The following PRMT8 variants were observed in gnomAD, a reference collection of about 807,000 sequenced individuals.
PRMT8 encodes protein arginine methyltransferase 8, also known as protein arginine N-methyltransferase 8.
Under a neutral mutation model 47.1 loss-of-function variants are expected in PRMT8, and 7 were observed. That is an observed-to-expected ratio of 0.15 (90% CI 0.08 to 0.28). PRMT8 has a LOEUF of 0.28. Among genes scored for constraint, PRMT8 ranks in the 10% least tolerant of loss-of-function variants. The probability of loss-of-function intolerance (pLI) is 1.00; values close to 1 mark genes in which losing one functional copy is unlikely to be tolerated. For missense variants in PRMT8, 237 were observed against 505.4 expected (o/e 0.47, Z 5.09); for synonymous variants, 188 against 186.5 (o/e 1.01, Z -0.07).
At chr12:3,399,226 C>G (rs1257735955) in intron 1 of PRMT8, among the ~76,000 whole-genome samples, 1 of 152,182 alleles carries the variant, frequency 6.6e-6, no homozygotes, top group Non-Finnish European at 1.5e-5. Context: ...AGATGGAACA[C>G]TTAGGTATCA....
In PRMT8 at chr12:3,569,417, T is replaced by C; in HGVS notation, c.625-60T>C. The C allele has an allele frequency of 7.1e-7, 1 of 1,399,400 alleles. No individual in the cohort carries two copies. Among genetic ancestry groups the C allele is most frequent in the South Asian group, 1.2e-5 (1 of 86,632 alleles). The allele number at this position is 1,399,400 out of a possible 1,614,324, so 86.7% of individuals were successfully genotyped here. A position where few individuals can be genotyped will look rare whatever the true frequency, so the allele number is the denominator to read the frequency against. ...TGGTGACTCTATGTGCAGTTCAAAA[T>C]GTGATGTCTTTGTCAGGTGAATAGA... On this transcript the variant is annotated intron_variant, in intron 5 of 9. Transcript: ENST00000382622. This position sits in a 1 kb window ranked among gnomAD's most constrained non-coding sequence, Gnocchi z 8.2.
At chr12:3,410,758 C>T (rs796289266) in intron 1 of PRMT8, among the ~76,000 whole-genome samples, 3 of 152,312 alleles carry the variant, frequency 2.0e-5, no homozygotes, top group African/African-American at 4.8e-5. Context: ...CCACCCGCCT[C>T]GGCCTCCCAA....
chr12:3,488,829 A>G (rs1012935694), upstream of PRMT8, among the ~76,000 whole-genome samples: 21 of 152,248 alleles, frequency 1.4e-4, no homozygotes, highest in African/African-American at 4.6e-4. Flanking sequence ...TTTCACAATC[A>G]TAAGATGTGA....
At chr12:3,474,501 C>T (rs770186304) in intron 1 of PRMT8, among the ~76,000 whole-genome samples, 2 of 152,150 alleles carry the variant, frequency 1.3e-5, no homozygotes, top group African/African-American at 2.4e-5. Flanking sequence ...ACCCGATGCT[C>T]TCTGCTCCAG....
intron 1 of PRMT8, among the ~76,000 whole-genome samples, chr12:3,437,429 C>T (rs1378627183): frequency 6.6e-6 from 1 of 151,778 alleles, no homozygotes; most frequent in African/African-American, 2.4e-5. Context: ...GTACATTGTG[C>T]GTCCTAGGGG....
intron 1 of PRMT8, among the ~76,000 whole-genome samples, chr12:3,509,602 C>A (rs1375881715): frequency 6.6e-6 from 1 of 152,200 alleles, no homozygotes; most frequent in Non-Finnish European, 1.5e-5. Flanking sequence ...AATGAACTAT[C>A]ATTGGCCACA....
intron 1 of PRMT8, among the ~76,000 whole-genome samples, chr12:3,466,237 C>T (rs902034942): frequency 1.3e-5 from 2 of 152,140 alleles, no homozygotes; most frequent in South Asian, 4.1e-4. Flanking sequence ...GAGGTGAGAC[C>T]GGATGGTGCT....
chr12:3,567,969 G>A (rs1194301916), intron 4 of PRMT8, among the ~76,000 whole-genome samples: 12 of 152,096 alleles, frequency 7.9e-5, no homozygotes, highest in Admixed American at 7.9e-4. Context: ...GCTACTTGGA[G>A]GCTGAGGCAG....
chr12:3,536,961 T>C (rs888324972), intron 1 of PRMT8, among the ~76,000 whole-genome samples: 5 of 152,248 alleles, frequency 3.3e-5, no homozygotes, highest in Admixed American at 2.6e-4. Context: ...GACAGCATTG[T>C]CATGAAATTC....
chr12:3,408,345 C>G (rs1864393606), intron 1 of PRMT8, among the ~76,000 whole-genome samples: 1 of 151,952 alleles, frequency 6.6e-6, no homozygotes, highest in Non-Finnish European at 1.5e-5. Flanking sequence ...GTGATCCTCC[C>G]ATCTCAGCCT....
At chr12:3,589,376 G>T (rs575573087) in intron 8 of PRMT8, among the ~76,000 whole-genome samples, 2 of 152,276 alleles carry the variant, frequency 1.3e-5, no homozygotes, top group African/African-American at 4.8e-5. Context: ...ATGTGGAAAA[G>T]GAGCCCCAGG....
intron 1 of PRMT8, among the ~76,000 whole-genome samples, chr12:3,460,798 G>A (rs1844378914): frequency 6.6e-6 from 1 of 152,222 alleles, no homozygotes; most frequent in Admixed American, 6.5e-5. Flanking sequence ...TGGGGCAATG[G>A]TCAAGAGAAA....
intron 1 of PRMT8, among the ~76,000 whole-genome samples, chr12:3,402,969 A>G (rs868371075): frequency 1.3e-5 from 2 of 152,234 alleles, no homozygotes; most frequent in African/African-American, 4.8e-5. Context: ...ATTACTGGGT[A>G]TATACCTGAA....
In PRMT8 at chr12:3,576,736, T is replaced by C; in HGVS notation, c.713-135T>C. On this transcript the variant is annotated intron_variant, in intron 6 of 9. Transcript: ENST00000382622. The surrounding 1 kb of genome is among the most constrained non-coding windows in gnomAD (Gnocchi z 4.0). ...TGCAAAGTGCCCCCAGGTGAGCAGT[T>C]CTGCCTCTATTTCGATGCAAGGGAA... 1 of 694,326 alleles carries C rather than the reference T, an allele frequency of 1.4e-6. No individual in the cohort carries two copies. Among genetic ancestry groups the C allele is most frequent in the Non-Finnish European group, 2.6e-6 (1 of 387,196 alleles). 43.0% of individuals were successfully genotyped at this position (694,326 alleles called of 1,614,324 possible). A position where few individuals can be genotyped will look rare whatever the true frequency, so the allele number is the denominator to read the frequency against.
In PRMT8 at chr12:3,436,097, G is replaced by A. The variant is rs576102006; in HGVS notation, c.48+54655G>A. Among the ~76,000 whole-genome samples the A allele has an allele frequency of 1.8e-4, 28 of 152,174 alleles. No homozygotes were observed. Among genetic ancestry groups the A allele is most frequent in the African/African-American group, 6.5e-4 (27 of 41,528 alleles). On this transcript the variant is annotated intron_variant, in intron 1 of 9. Transcript: ENST00000452611. The surrounding 1 kb of genome is among the most constrained non-coding windows in gnomAD (Gnocchi z 4.2). Reference sequence around the variant, plus strand: ...GTTGGGCAAAGGCTTGGCTCTGGTTGCCCTGTGACTTTGAGTGAAGGTTAT... The same window carrying A: ...GTTGGGCAAAGGCTTGGCTCTGGTTACCCTGTGACTTTGAGTGAAGGTTAT...
chr12:3,484,273 C>T (rs754661731), intron 1 of PRMT8, among the ~76,000 whole-genome samples: 4 of 152,180 alleles, frequency 2.6e-5, no homozygotes, highest in Non-Finnish European at 5.9e-5. Flanking sequence ...TCATAATCCA[C>T]ATCATGAATG....
chr12:3,490,534 G>A (rs1165373884), upstream of PRMT8, among the ~76,000 whole-genome samples: 1 of 136,478 alleles, frequency 7.3e-6, no homozygotes, highest in Non-Finnish European at 1.6e-5. Flanking sequence ...GGGCTGCCAG[G>A]GAAGACTGGA....
chr12:3,559,048 TCCAG>T (rs750707259), intron 4 of PRMT8, among the ~76,000 whole-genome samples: 2 of 152,036 alleles, frequency 1.3e-5, no homozygotes, highest in Non-Finnish European at 2.9e-5. Flanking sequence ...TGTCCATCCA[TCCAG>T]CCAGCCAGCC....
intron 7 of PRMT8, among the ~76,000 whole-genome samples, chr12:3,577,409 A>G (rs892320854): frequency 6.6e-6 from 1 of 151,448 alleles, no homozygotes; most frequent in African/African-American, 2.4e-5. Flanking sequence ...CTCCACACAC[A>G]CCTTTGCCCC....
Sources: allele counts gnomAD v4.1 joint callset (sites outside exome capture counted in the v4.1 genomes callset), GRCh38; gene constraint gnomAD v4.1.1; non-coding constraint Gnocchi (gnomAD v3.1); transcripts MANE v1.5; gene names NCBI Gene and HGNC (gene_info 2026-07-23, HGNC 2026-07-21).